XXYLT1: variants seen among roughly 807,000 people sequenced by gnomAD.
XXYLT1 encodes the protein xyloside xylosyltransferase 1.
Under a neutral mutation model 28.9 loss-of-function variants are expected in XXYLT1, and 20 were observed. The ratio of observed to expected loss-of-function variants is 0.69; its 90% CI spans 0.49 to 1.00. The LOEUF (loss-of-function observed/expected upper bound fraction) is 1.00, where lower values mean the gene tolerates loss of function less well. Ranked by LOEUF, XXYLT1 falls within the 50% of genes least tolerant of loss-of-function variation. XXYLT1 has a pLI of 0.00. For synonymous variants in XXYLT1, 257 were observed against 253.8 expected (o/e 1.01, Z -0.12); for missense variants, 542 against 560.1 (o/e 0.97, Z 0.33).
At chr3:195,266,752 T>G (rs1725862297) in intron 1 of XXYLT1, among the ~76,000 whole-genome samples, 1 of 152,184 alleles carries the variant, frequency 6.6e-6, no homozygotes, top group Non-Finnish European at 1.5e-5. Context: ...AGCCTGCCTC[T>G]GTAACTCCAT....
intron 2 of XXYLT1, among the ~76,000 whole-genome samples, chr3:195,196,908 C>T (rs1722647798): frequency 6.6e-6 from 1 of 151,756 alleles, no homozygotes; most frequent in African/African-American, 2.4e-5. Context: ...ACAGGCAGAG[C>T]AGTTAGCAGG....
intron 2 of XXYLT1, among the ~76,000 whole-genome samples, chr3:195,206,912 G>A (rs190887897): frequency 8.8e-4 from 134 of 152,230 alleles, no homozygotes; most frequent in African/African-American, 3.0e-3. Context: ...TACTGAAGCC[G>A]GTGATGAGTA....
At chr3:195,074,213 C>CT (rs754156610) in intron 3 of XXYLT1, among the ~76,000 whole-genome samples, 2 of 152,224 alleles carry the variant, frequency 1.3e-5, no homozygotes, top group African/African-American at 2.4e-5. Flanking sequence ...CAGGAAGGTT[C>CT]TAGAAGCCTG....
At chr3:195,085,230 T>C (rs542829656) in intron 3 of XXYLT1, among the ~76,000 whole-genome samples, 1 of 152,350 alleles carries the variant, frequency 6.6e-6, no homozygotes, top group South Asian at 2.1e-4. Flanking sequence ...GCACGGGCTT[T>C]GGAGAGAGAA....
intron 3 of XXYLT1, among the ~76,000 whole-genome samples, chr3:195,108,654 G>A (rs1328817706): frequency 6.6e-6 from 1 of 152,116 alleles, no homozygotes; most frequent in East Asian, 1.9e-4. Flanking sequence ...CTGCTCCTAG[G>A]CTACAAACCT....
intron 1 of XXYLT1, among the ~76,000 whole-genome samples, chr3:195,242,086 G>A (rs1426567389): frequency 6.6e-6 from 1 of 152,204 alleles, no homozygotes; most frequent in Non-Finnish European, 1.5e-5. Flanking sequence ...CTCTGTAAAT[G>A]CTTGCTGCAG....
intron 3 of XXYLT1, among the ~76,000 whole-genome samples, chr3:195,099,729 G>A (rs576979088): frequency 4.6e-4 from 70 of 151,932 alleles, no homozygotes; most frequent in Admixed American, 1.4e-3. Flanking sequence ...TACTGGGGAG[G>A]CTGAGGCTGC....
chr3:195,141,504 C>T (rs1489404618), intron 3 of XXYLT1, among the ~76,000 whole-genome samples: 2 of 152,274 alleles, frequency 1.3e-5, no homozygotes, highest in South Asian at 2.1e-4. Flanking sequence ...CTTCAAATTA[C>T]GTATAAACTC....
chr3:195,071,896 G>A (rs1254022150), intron 3 of XXYLT1, among the ~76,000 whole-genome samples: 1 of 152,164 alleles, frequency 6.6e-6, no homozygotes, highest in Admixed American at 6.5e-5. Flanking sequence ...AGCGTTTACC[G>A]AGGTGGAGCA....
intron 3 of XXYLT1, among the ~76,000 whole-genome samples, chr3:195,141,519 C>T (rs1303094908): frequency 6.6e-6 from 1 of 152,230 alleles, no homozygotes; most frequent in Non-Finnish European, 1.5e-5. Flanking sequence ...AAACTCAAGG[C>T]TTTGACATTC....
intron 1 of XXYLT1, among the ~76,000 whole-genome samples, chr3:195,244,265 A>T (rs1724907525): frequency 6.6e-6 from 1 of 152,210 alleles, no homozygotes; most frequent in Non-Finnish European, 1.5e-5. Context: ...GAAACGTCAC[A>T]TGTCAACAGG....
intron 3 of XXYLT1, among the ~76,000 whole-genome samples, chr3:195,084,911 A>C (rs1346395527): frequency 6.6e-6 from 1 of 152,168 alleles, no homozygotes; most frequent in South Asian, 2.1e-4. Context: ...AGCTTCTCTA[A>C]TGGTGCCCAA....
intron 2 of XXYLT1, among the ~76,000 whole-genome samples, chr3:195,216,456 G>A (rs1723578370): frequency 1.3e-5 from 2 of 149,224 alleles, no homozygotes; most frequent in African/African-American, 2.5e-5. Context: ...TCAAATAGAC[G>A]CAATAAAAAA....
In XXYLT1 at chr3:195,210,552, A is replaced by G. The variant is rs1176782881; in HGVS notation, c.652+16157T>C. Among the ~76,000 whole-genome samples, 1 of 151,724 alleles carries G rather than the reference A, an allele frequency of 6.6e-6. No individual in the cohort carries two copies. The highest frequency in any genetic ancestry group is 1.5e-5 in the Non-Finnish European group (1 of 68,036). On this transcript the variant is annotated intron_variant, in intron 2 of 3. Transcript: ENST00000310380. The surrounding 1 kb of genome is among the most constrained non-coding windows in gnomAD (Gnocchi z 4.8). The stretch of plus-strand genomic sequence containing the variant: ...CAAATTAAAAGACAGAATCTAATGA[A>G]GGGGACCAAAACGGGAAATATTACT...
intron 2 of XXYLT1, among the ~76,000 whole-genome samples, chr3:195,201,773 G>T (rs1373981833): frequency 1.3e-5 from 2 of 152,156 alleles, no homozygotes; most frequent in Non-Finnish European, 2.9e-5. Context: ...ACAACCTGAG[G>T]CCTAGAAGGT....
intron 2 of XXYLT1, among the ~76,000 whole-genome samples, chr3:195,201,875 A>C (rs1412750378): frequency 6.6e-6 from 1 of 152,138 alleles, no homozygotes; most frequent in Non-Finnish European, 1.5e-5. Flanking sequence ...CCAAGAGCTA[A>C]CCGACAACTA....
At chr3:195,181,701 T>C (rs1721961523) in intron 2 of XXYLT1, among the ~76,000 whole-genome samples, 1 of 152,148 alleles carries the variant, frequency 6.6e-6, no homozygotes, top group South Asian at 2.1e-4. Flanking sequence ...CCCAAGTGGT[T>C]AAGTGCCCAC....
intron 3 of XXYLT1, among the ~76,000 whole-genome samples, chr3:195,075,991 C>A (rs1264033344): frequency 6.6e-6 from 1 of 152,084 alleles, no homozygotes; most frequent in African/African-American, 2.4e-5. Context: ...GGAGGCACAC[C>A]GCAGAGGGCT....
At chr3:195,225,228 G>A (rs868491967) in intron 2 of XXYLT1, among the ~76,000 whole-genome samples, 1 of 152,146 alleles carries the variant, frequency 6.6e-6, no homozygotes, top group Non-Finnish European at 1.5e-5. Flanking sequence ...AGGCCCTGTC[G>A]GTGAGCTCGT....
Sources: gnomAD v4.1 joint callset for allele counts (sites outside exome capture counted in the v4.1 genomes callset) on GRCh38, gnomAD v4.1.1 for gene constraint, Gnocchi (gnomAD v3.1) non-coding constraint, MANE v1.5 for transcripts, NCBI Gene and HGNC (gene_info 2026-07-23, HGNC 2026-07-21) for gene names.